The following RELN variants were observed in gnomAD, a reference collection of about 807,000 sequenced individuals.
The protein encoded by RELN is reelin.
RELN carries 108 observed loss-of-function variants against 427.6 expected under a neutral mutation model. The ratio of observed to expected loss-of-function variants is 0.25; its 90% CI spans 0.22 to 0.30. The LOEUF (loss-of-function observed/expected upper bound fraction) is 0.30, where lower values mean the gene tolerates loss of function less well. RELN is among the 10% of genes least tolerant of loss of function. The pLI is 1.00. For synonymous variants in RELN, 1,524 were observed against 1,513.4 expected (o/e 1.01, Z -0.16); for missense variants, 3,715 against 4,302.8 (o/e 0.86, Z 3.82).
At chr7:103,677,682 C>G (rs932239427) in intron 11 of RELN, among the ~76,000 whole-genome samples, 1 of 141,158 alleles carries the variant, frequency 7.1e-6, no homozygotes, top group African/African-American at 2.6e-5. Flanking sequence ...ACGAGAATCA[C>G]TGAAACCCAG....
chr7:103,610,585 G>A (rs1308984904), intron 22 of RELN, 110 bp downstream of exon 22: 7 of 733,018 alleles, frequency 9.5e-6, no homozygotes, highest in African/African-American at 6.9e-5. Flanking sequence ...ATGCTATTGT[G>A]CTTAACTTGC....
At chr7:103,900,413 C>T (rs1180730163) in intron 2 of RELN, among the ~76,000 whole-genome samples, 1 of 152,090 alleles carries the variant, frequency 6.6e-6, no homozygotes, top group Non-Finnish European at 1.5e-5. Context: ...AACAAGCTAC[C>T]ACTGACTTTC....
In RELN at chr7:103,539,143, A is replaced by G; in HGVS notation, c.7115T>C (p.Val2372Ala). The G allele has an allele frequency of 1.2e-6, 2 of 1,614,224 alleles. No individual in the cohort carries two copies. Among genetic ancestry groups the G allele is most frequent in the South Asian group, 1.1e-5 (1 of 91,090 alleles). Residue 2372 changes from valine to alanine, a missense_variant, in exon 45 of 65, where the codon GTG becomes GCG. Coordinates refer to ENST00000428762, the MANE Select transcript of RELN (RefSeq NM_005045.4). ...TRYVVSTDVA[V>A]NEDSFLQIDF... is the part of the protein sequence containing the mutation. Reference sequence around the variant, plus strand: ...TATCTGTAGGAAGGAATCCTCATTCACGGCAACGTCTGTGCTGACCACGTA... The same window carrying G: ...TATCTGTAGGAAGGAATCCTCATTCGCGGCAACGTCTGTGCTGACCACGTA...
intron 8 of RELN, among the ~76,000 whole-genome samples, chr7:103,717,546 G>T (rs1410930573): frequency 6.6e-6 from 1 of 151,328 alleles, no homozygotes; most frequent in Non-Finnish European, 1.5e-5. Flanking sequence ...AATCTTAGTT[G>T]AATACATTTA....
chr7:103,611,904 T>C, intron 20 of RELN, 101 bp from the exon 21 acceptor site: 1 of 972,494 alleles, frequency 1.0e-6, no homozygotes, highest in Non-Finnish European at 1.6e-6. Context: ...AATTTCATTT[T>C]ACTTGTTTAA....
chr7:103,792,021 C>T (rs985061835), intron 3 of RELN, among the ~76,000 whole-genome samples: 4 of 152,052 alleles, frequency 2.6e-5, no homozygotes, highest in Non-Finnish European at 5.9e-5. Context: ...AAATGAAATA[C>T]CATTCTACTC....
At chr7:103,799,899 T>C (rs534966847) in intron 3 of RELN, among the ~76,000 whole-genome samples, 118 of 152,132 alleles carry the variant, frequency 7.8e-4, no homozygotes, top group Non-Finnish European at 1.5e-3. Context: ...ATGGTGAAGG[T>C]TTAAAGAATC....
At chr7:103,724,304 T>C (rs1257948245) in intron 7 of RELN, among the ~76,000 whole-genome samples, 2 of 152,148 alleles carry the variant, frequency 1.3e-5, no homozygotes, top group Admixed American at 6.6e-5. Context: ...GAGTCCACAA[T>C]TGCAGAAGGG....
chr7:103,609,863 A>G (rs1831908889), intron 22 of RELN, among the ~76,000 whole-genome samples: 1 of 152,224 alleles, frequency 6.6e-6, no homozygotes, highest in Non-Finnish European at 1.5e-5. Flanking sequence ...TCTTCTGCAC[A>G]AATTACAGAA....
chr7:103,905,274 T>C lies in RELN; in HGVS notation c.337+11801A>G, dbSNP rs114734005. 6.0e-3 allele frequency among the ~76,000 whole-genome samples: 912 copies of C among 152,094 alleles called. 10 individuals are homozygous for C. The highest frequency in any genetic ancestry group is 0.021 in the African/African-American group (879 of 41,536). ...ATTACAGGCGTGAGCCACTGCTTCC[T>C]GCCCTCTATTTTCTTAATTCTATAG... On this transcript the variant is annotated intron_variant, in intron 2 of 64. Transcript: ENST00000428762.
Position 103,565,451 on chromosome 7 carries a change from G to T in RELN, c.5037C>A (p.Ser1679=). The T allele has an allele frequency of 6.2e-7, 1 of 1,613,884 alleles. No individual in the cohort carries two copies. Among genetic ancestry groups the T allele is most frequent in the South Asian group, 1.1e-5 (1 of 91,038 alleles). The change falls in exon 34 of 65, where the codon TCC becomes TCA. Residue 1679 remains serine (S), a synonymous_variant. Coordinates refer to ENST00000428762, the MANE Select transcript of RELN (RefSeq NM_005045.4). ...SMGCSKPFSN[S]HSVQLQYSLN... ...GAGAATACTGGAGCTGTACACTGTGGGAGTTGCTGAAGGGCTTGCTACAGC... is the reference window on the plus strand; with the variant it reads ...GAGAATACTGGAGCTGTACACTGTGTGAGTTGCTGAAGGGCTTGCTACAGC...
At chr7:103,557,749 A>T (rs1259419449) in intron 37 of RELN, among the ~76,000 whole-genome samples, 1 of 152,212 alleles carries the variant, frequency 6.6e-6, no homozygotes, top group African/African-American at 2.4e-5. Flanking sequence ...ATATGATTAC[A>T]GCTATATGAA....
At chr7:103,735,397 T>G (rs1324729795) in intron 6 of RELN, among the ~76,000 whole-genome samples, 1 of 152,120 alleles carries the variant, frequency 6.6e-6, no homozygotes, top group African/African-American at 2.4e-5. Flanking sequence ...CATGAAAATA[T>G]GCTCAACCAC....
intron 16 of RELN, among the ~76,000 whole-genome samples, chr7:103,648,648 A>G (rs1010652051): frequency 6.6e-6 from 1 of 152,160 alleles, no homozygotes; most frequent in Non-Finnish European, 1.5e-5. Context: ...CACAGTGAAC[A>G]GACAACCTAC....
intron 20 of RELN, among the ~76,000 whole-genome samples, chr7:103,624,306 T>TA (rs1424129126): frequency 6.6e-6 from 1 of 152,200 alleles, no homozygotes; most frequent in Non-Finnish European, 1.5e-5. Context: ...TTTACACCTC[T>TA]AGCTTCCTAC....
chr7:103,776,024 T>C (rs1189007597), intron 4 of RELN, among the ~76,000 whole-genome samples: 3 of 152,226 alleles, frequency 2.0e-5, no homozygotes, highest in Non-Finnish European at 4.4e-5. Flanking sequence ...TGTGCTGTGT[T>C]TGTGTGTGCA....
chr7:103,938,622 G>A (rs1796039164), intron 1 of RELN, among the ~76,000 whole-genome samples: 1 of 152,132 alleles, frequency 6.6e-6, no homozygotes, highest in Non-Finnish European at 1.5e-5. Flanking sequence ...ATTATGTTGT[G>A]TTTCACTGAT....
intron 1 of RELN, among the ~76,000 whole-genome samples, chr7:103,930,964 C>A (rs1384773403): frequency 6.6e-6 from 1 of 151,738 alleles, no homozygotes; most frequent in Non-Finnish European, 1.5e-5. Flanking sequence ...TCAGGACTTT[C>A]TCCCCTTTAC....
intron 2 of RELN, among the ~76,000 whole-genome samples, chr7:103,841,123 A>C (rs947162731): frequency 2.0e-5 from 3 of 152,354 alleles, no homozygotes; most frequent in African/African-American, 7.2e-5. Context: ...TTGGGCAAAG[A>C]AAGTGGAGTT....
Sources: gnomAD v4.1 joint callset for allele counts (sites outside exome capture counted in the v4.1 genomes callset) on GRCh38, gnomAD v4.1.1 for gene constraint, MANE v1.5 for transcripts, NCBI Gene and HGNC (gene_info 2026-07-23, HGNC 2026-07-21) for gene names.